TF: variants seen among roughly 807,000 people sequenced by gnomAD.
TF encodes the protein transferrin.
In TF, 55 loss-of-function variants were observed where a neutral mutation model predicts 82.4. That is an observed-to-expected ratio of 0.67 (90% confidence interval 0.54 to 0.84). TF has a LOEUF of 0.84. Among genes scored for constraint, TF ranks in the 40% least tolerant of loss-of-function variants. The pLI, the probability that TF is intolerant of heterozygous loss-of-function variation, is 0.00. For missense variants in TF, 737 were observed against 868.4 expected, an observed-to-expected ratio of 0.85 and a Z score of 1.90; for synonymous variants, 332 against 332.6, an observed-to-expected ratio of 1.00 and a Z score of 0.02.
chr3:133,718,384 C>T, the TF span, among the ~76,000 whole-genome samples: 18 of 151,958 alleles, frequency 1.2e-4, no homozygotes, highest in South Asian at 2.1e-4. Context: ...TGTACCTGGA[C>T]GGCAGAAGAG....
Position 133,755,409 on chromosome 3 carries a change from G to A in TF, c.549G>A (p.Gly183=), listed in dbSNP as rs371428613. 1.2e-6 allele frequency: 2 copies of A among 1,614,220 alleles called. No individual in the cohort carries two copies. Among genetic ancestry groups the A allele is most frequent in the South Asian group, 1.1e-5 (1 of 91,076 alleles). The part of the protein sequence containing the change: ...FSGSCAPCAD[G]TDFPQLCQLC... The stretch of plus-strand genomic sequence containing the variant: ...GCAGCTGTGCCCCTTGTGCGGATGG[G>A]ACGGACTTCCCCCAGCTGTGTCAAC... Residue 183 remains glycine, a synonymous_variant, in exon 5 of 17, where the codon GGG becomes GGA. Coordinates refer to ENST00000402696, the MANE Select transcript of TF (RefSeq NM_001063.4).
At chr3:133,663,737 C>T in the TF span, among the ~76,000 whole-genome samples, 1 of 152,202 alleles carries the variant, frequency 6.6e-6, no homozygotes, top group African/African-American at 2.4e-5. Flanking sequence ...TGGGCACGTG[C>T]TGTCTGCCCA....
At chr3:133,758,028 G>A in intron 8 of TF, 82 bp downstream of exon 8, 1 of 1,396,264 alleles carries the variant, frequency 7.2e-7, no homozygotes, top group Non-Finnish European at 1.0e-6. Flanking sequence ...AGTCTTTTCA[G>A]GGACCTGCAC....
chr3:133,711,565 T>C, the TF span, among the ~76,000 whole-genome samples: 1 of 151,868 alleles, frequency 6.6e-6, no homozygotes, highest in African/African-American at 2.4e-5. Flanking sequence ...TCTCCAGGGG[T>C]GCCAATTTCT....
chr3:133,755,653 A>G, intron 5 of TF, 158 bp downstream of exon 5: 1 of 935,030 alleles, frequency 1.1e-6, no homozygotes, highest in Non-Finnish European at 1.6e-6. Context: ...TGGGACTCCT[A>G]GGCCAAGCCA....
intron 12 of TF, 145 bp downstream of exon 12, chr3:133,766,578 T>C (rs1934132961): frequency 8.8e-7 from 1 of 1,138,700 alleles, no homozygotes; most frequent in Non-Finnish European, 1.3e-6. Flanking sequence ...GAATTTGCTG[T>C]CCTCAAGGAC....
the TF span, among the ~76,000 whole-genome samples, chr3:133,728,867 T>G: frequency 6.6e-6 from 1 of 152,222 alleles, no homozygotes; most frequent in Non-Finnish European, 1.5e-5. Context: ...AGCTTTCCTT[T>G]TACCAGACAG....
At chr3:133,770,759 G>C in intron 14 of TF, 187 bp downstream of exon 14, 1 of 737,028 alleles carries the variant, frequency 1.4e-6, no homozygotes, top group Non-Finnish European at 2.3e-6. Flanking sequence ...CAGGATTATG[G>C]GGCCCCCAAT....
chr3:133,704,883 T>TA, the TF span, among the ~76,000 whole-genome samples: 1 of 149,350 alleles, frequency 6.7e-6, no homozygotes, highest in East Asian at 2.1e-4. Context: ...TATCATTGAT[T>TA]ACACCTCATC....
At chr3:133,725,829 C>A in the TF span, among the ~76,000 whole-genome samples, 6 of 151,974 alleles carry the variant, frequency 3.9e-5, no homozygotes, top group African/African-American at 1.2e-4. Flanking sequence ...GAGATACGTC[C>A]CATCAATACC....
chr3:133,698,840 C>T, the TF span, among the ~76,000 whole-genome samples: 1 of 152,258 alleles, frequency 6.6e-6, no homozygotes, highest in South Asian at 2.1e-4. Flanking sequence ...GGCTGTTTTA[C>T]TCATAGGGTC....
At chr3:133,746,688 CCCT>C (rs1209005326) in intron 1 of TF, among the ~76,000 whole-genome samples, 1 of 152,222 alleles carries the variant, frequency 6.6e-6, no homozygotes, top group Non-Finnish European at 1.5e-5. Context: ...TGTCTTCTCC[CCCT>C]CCTCCTCTTT....
the TF span, among the ~76,000 whole-genome samples, chr3:133,682,702 G>T: frequency 6.6e-6 from 1 of 152,104 alleles, no homozygotes; most frequent in East Asian, 1.9e-4. Flanking sequence ...AGAAATATGG[G>T]ACTATGTGAA....
In TF at chr3:133,755,291, T is replaced by C. The variant is rs907216294; in HGVS notation, c.503-72T>C. Reference sequence around the variant, plus strand: ...AGTCCCCTCTGTTCCCTGATGGGCCTGGGTGGGGTGATGCCATTGGCTGTG... The same window carrying C: ...AGTCCCCTCTGTTCCCTGATGGGCCCGGGTGGGGTGATGCCATTGGCTGTG... On this transcript the variant is annotated intron_variant, in intron 4 of 16. Coordinates refer to ENST00000402696, the MANE Select transcript of TF (RefSeq NM_001063.4). The C allele has an allele frequency of 3.4e-5, 54 of 1,609,752 alleles. No homozygotes were observed. In the African/African-American group the frequency reaches 6.5e-4, roughly 20 times the overall value.
the TF span, among the ~76,000 whole-genome samples, chr3:133,726,508 C>A: frequency 6.6e-6 from 1 of 152,134 alleles, no homozygotes; most frequent in Non-Finnish European, 1.5e-5. Flanking sequence ...GTGATATCCC[C>A]TTTATCATTT....
rs112879972 is a variant in TF at position 133,756,433 on chromosome 3, T to A, written c.691+96T>A. On this transcript the variant is annotated intron_variant, in intron 6 of 16. Transcript: ENST00000402696. ...CATGCTCAGTAATTGGAAATGAGCATACTGTATTTCTCCTTTATCATTGCC... is the reference window on the plus strand; with the variant it reads ...CATGCTCAGTAATTGGAAATGAGCAAACTGTATTTCTCCTTTATCATTGCC... 5.9e-5 allele frequency: 80 copies of A among 1,348,058 alleles called. No individual in the cohort carries two copies. The African/African-American group carries it at 9.1e-4, about 15-fold the overall frequency. The allele number at this position is 1,348,058 out of a possible 1,614,324, so 83.5% of individuals were successfully genotyped here. A position where few individuals can be genotyped will look rare whatever the true frequency, so the allele number is the denominator to read the frequency against.
At chr3:133,766,824 T>G (rs1319041443) in intron 12 of TF, among the ~76,000 whole-genome samples, 1 of 152,188 alleles carries the variant, frequency 6.6e-6, no homozygotes, top group Admixed American at 6.5e-5. Context: ...ATCGCATCCA[T>G]GATCCAGGCA....
At chr3:133,776,914 G>A (rs1934406986) in intron 15 of TF, 135 bp from the exon 16 acceptor site, 2 of 795,178 alleles carry the variant, frequency 2.5e-6, no homozygotes, top group African/African-American at 3.4e-5. Flanking sequence ...AAAGGAGGTG[G>A]AAAATTCCCA....
At chr3:133,722,804 T>C in the TF span, among the ~76,000 whole-genome samples, 1 of 152,238 alleles carries the variant, frequency 6.6e-6, no homozygotes, top group Non-Finnish European at 1.5e-5. Flanking sequence ...CTGAGAGTTT[T>C]ACATAGCACC....
Sources: gnomAD v4.1 joint callset for allele counts (sites outside exome capture counted in the v4.1 genomes callset) on GRCh38, gnomAD v4.1.1 for gene constraint, MANE v1.5 for transcripts, NCBI Gene and HGNC (gene_info 2026-07-23, HGNC 2026-07-21) for gene names.